Variants in EIF2B3 observed in about 807,000 individuals in gnomAD.
The protein encoded by EIF2B3 is eukaryotic translation initiation factor 2B subunit gamma.
A neutral mutation model predicts 54.1 loss-of-function variants in EIF2B3; 20 were observed. That is an observed-to-expected ratio of 0.37 (90% confidence interval 0.26 to 0.54). The LOEUF is 0.54. EIF2B3 is among the 20% of genes least tolerant of loss of function. The probability of loss-of-function intolerance (pLI) is 0.86; values close to 1 mark genes in which losing one functional copy is unlikely to be tolerated. For missense variants in EIF2B3, 448 were observed against 547.8 expected (o/e 0.82, Z 1.82); for synonymous variants, 153 against 188.1 (o/e 0.81, Z 1.52).
chr1:44,874,658 G>A lies in EIF2B3; in HGVS notation c.1202+20C>T, dbSNP rs1655062177. On this transcript the variant is annotated intron_variant, in intron 10 of 11. Coordinates refer to ENST00000360403, the MANE Select transcript of EIF2B3 (RefSeq NM_020365.5). ...TTTTTCCATTATCTTTGCCTCAAGTGGGTACAGGGGGAAACATACCCTTCC... is the reference window on the plus strand; with the variant it reads ...TTTTTCCATTATCTTTGCCTCAAGTAGGTACAGGGGGAAACATACCCTTCC... 1 of 1,612,554 alleles carries A rather than the reference G, an allele frequency of 6.2e-7. No homozygotes were observed. The highest frequency in any genetic ancestry group is 1.7e-5 in the Admixed American group (1 of 59,838).
rs547362589 is a variant in EIF2B3 at position 44,935,543 on chromosome 1, A to T, written c.454+5963T>A. Among the ~76,000 whole-genome samples the T allele has an allele frequency of 3.0e-3, 453 of 152,300 alleles. 3 individuals are homozygous for T. The highest frequency in any genetic ancestry group is 0.01 in the African/African-American group (436 of 41,568). ...GAGATGGAGTCTTGCTCTGTTGCCC[A>T]GGGTGGAATACAGTGGCGTGATCTT... On this transcript the variant is annotated intron_variant, in intron 4 of 11. Transcript: ENST00000360403.
chr1:44,948,823 C>T (rs934308949), intron 3 of EIF2B3, among the ~76,000 whole-genome samples: 1 of 151,982 alleles, frequency 6.6e-6, no homozygotes, highest in African/African-American at 2.4e-5. Flanking sequence ...CCCAACTCCC[C>T]TCCACATAGC....
chr1:44,886,625 C>G (rs1393804820), intron 6 of EIF2B3, among the ~76,000 whole-genome samples: 1 of 152,194 alleles, frequency 6.6e-6, no homozygotes, highest in Non-Finnish European at 1.5e-5. Context: ...GAGTATGTGC[C>G]TGTACTAATA....
chr1:44,892,542 T>C (rs1016896427), intron 6 of EIF2B3, among the ~76,000 whole-genome samples: 2 of 151,670 alleles, frequency 1.3e-5, no homozygotes, highest in Non-Finnish European at 2.9e-5. Flanking sequence ...ATCACACCAC[T>C]GCACTCCACT....
chr1:44,869,275 C>T (rs377325658), intron 10 of EIF2B3, among the ~76,000 whole-genome samples: 1 of 151,964 alleles, frequency 6.6e-6, no homozygotes, highest in South Asian at 2.1e-4. Flanking sequence ...GTCAGGAGTT[C>T]GTAACTAACC....
intron 3 of EIF2B3, among the ~76,000 whole-genome samples, chr1:44,965,699 G>A (rs938293264): frequency 3.7e-4 from 54 of 144,882 alleles, no homozygotes; most frequent in African/African-American, 1.3e-3. Flanking sequence ...GAGTGCAGTG[G>A]CATGATCTCA....
intron 3 of EIF2B3, among the ~76,000 whole-genome samples, chr1:44,968,657 G>C (rs904853184): frequency 2.0e-5 from 3 of 152,274 alleles, no homozygotes; most frequent in Admixed American, 1.3e-4. Context: ...CCAGCACTTT[G>C]GGAGGCCGAG....
intron 5 of EIF2B3, among the ~76,000 whole-genome samples, chr1:44,903,967 C>T (rs1324078684): frequency 6.6e-6 from 1 of 152,138 alleles, no homozygotes; most frequent in Non-Finnish European, 1.5e-5. Context: ...ATCTCAGCTA[C>T]TCAGGAGGCC....
rs188846347 is a variant in EIF2B3, at chr1:44,859,843, G to A, written c.1203-2036C>T. On this transcript the variant is annotated intron_variant, in intron 10 of 11. Coordinates refer to ENST00000360403, the MANE Select transcript of EIF2B3 (RefSeq NM_020365.5). ...GTGATCTCAGTTCACTGCAACCTCT[G>A]TCTCCCGGGTTCAAGCAATTCTCCT... Among the ~76,000 whole-genome samples, 214 of 148,794 alleles carry A rather than the reference G, an allele frequency of 1.4e-3. 3 individuals are homozygous for A. Among genetic ancestry groups the A allele is most frequent in the Admixed American group, 2.7e-3 (40 of 14,926 alleles).
intron 3 of EIF2B3, among the ~76,000 whole-genome samples, chr1:44,974,403 G>T (rs901604003): frequency 6.6e-6 from 1 of 151,244 alleles, no homozygotes; most frequent in Admixed American, 6.6e-5. Flanking sequence ...AGCCTGGGGA[G>T]GTCGAGGTTA....
chr1:44,920,547 C>A (rs1258767232), intron 5 of EIF2B3, among the ~76,000 whole-genome samples: 1 of 152,158 alleles, frequency 6.6e-6, no homozygotes, highest in Middle Eastern at 3.2e-3. Flanking sequence ...CACTCTCTAC[C>A]CTTTCCAGCC....
At chr1:44,893,516 T>C (rs1178944899) in intron 6 of EIF2B3, among the ~76,000 whole-genome samples, 1 of 152,212 alleles carries the variant, frequency 6.6e-6, no homozygotes, top group Admixed American at 6.5e-5. Flanking sequence ...GGCTGCATGA[T>C]ATTGAGCAAA....
intron 9 of EIF2B3, 28 bp from the exon 10 acceptor site, chr1:44,874,854 T>C: frequency 6.2e-7 from 1 of 1,613,884 alleles, no homozygotes; most frequent in South Asian, 1.1e-5. Flanking sequence ...TAAAACTCTG[T>C]CCACCCATCT....
At chr1:44,946,651 C>T (rs1389324821) in intron 3 of EIF2B3, among the ~76,000 whole-genome samples, 11 of 136,346 alleles carry the variant, frequency 8.1e-5, no homozygotes, top group South Asian at 2.3e-4. Context: ...TTTGTAGAGA[C>T]GGGATCTCAC....
chr1:44,973,172 A>G (rs1035684481), intron 3 of EIF2B3, among the ~76,000 whole-genome samples: 2 of 152,242 alleles, frequency 1.3e-5, no homozygotes, highest in Non-Finnish European at 2.9e-5. Context: ...CAGAAATAGC[A>G]TATAATCCAG....
intron 3 of EIF2B3, among the ~76,000 whole-genome samples, chr1:44,955,244 G>A (rs1365604817): frequency 6.6e-6 from 1 of 152,136 alleles, no homozygotes; most frequent in African/African-American, 2.4e-5. Context: ...TGACAAACCT[G>A]ACAAAAACAA....
At chr1:44,861,635 TG>T (rs2148895037) in intron 10 of EIF2B3, among the ~76,000 whole-genome samples, 1 of 152,312 alleles carries the variant, frequency 6.6e-6, no homozygotes, top group East Asian at 1.9e-4. Context: ...TGGATCTGAT[TG>T]GGGTCTTCAG....
chr1:44,925,855 C>T (rs1003558388), intron 5 of EIF2B3, among the ~76,000 whole-genome samples: 12 of 150,722 alleles, frequency 8.0e-5, no homozygotes, highest in Non-Finnish European at 1.0e-4. Context: ...ACCTGGGAGG[C>T]GGAGGTTACA....
At chr1:44,960,553 G>A (rs1644274386) in intron 3 of EIF2B3, among the ~76,000 whole-genome samples, 1 of 151,898 alleles carries the variant, frequency 6.6e-6, no homozygotes, top group African/African-American at 2.4e-5. Context: ...GCAGGAGAAT[G>A]GCGTGAACCC....
Sources: allele counts gnomAD v4.1 joint callset (sites outside exome capture counted in the v4.1 genomes callset), GRCh38; gene constraint gnomAD v4.1.1; transcripts MANE v1.5; gene names NCBI Gene and HGNC (gene_info 2026-07-23, HGNC 2026-07-21).